UNC5D: variants seen among roughly 807,000 people sequenced by gnomAD.
The protein encoded by UNC5D is unc-5 netrin receptor D.
UNC5D carries 39 observed loss-of-function variants against 105.4 expected under a neutral mutation model. The ratio of observed to expected loss-of-function variants is 0.37; its 90% CI spans 0.29 to 0.48. The LOEUF (loss-of-function observed/expected upper bound fraction) is 0.48, where lower values mean the gene tolerates loss of function less well. UNC5D is among the 20% of genes least tolerant of loss of function. UNC5D has a pLI of 0.98. For synonymous variants in UNC5D, 452 were observed against 450.4 expected (o/e 1.00, Z -0.04); for missense variants, 991 against 1,202.4 (o/e 0.82, Z 2.60).
intron 1 of UNC5D, among the ~76,000 whole-genome samples, chr8:35,362,751 C>T (rs976815630): frequency 6.6e-6 from 1 of 152,120 alleles, no homozygotes; most frequent in African/African-American, 2.4e-5. Context: ...ATTAGTATGC[C>T]TTTTCAGTAA....
At chr8:35,756,236 T>C (rs927370327) in intron 13 of UNC5D, among the ~76,000 whole-genome samples, 1 of 152,230 alleles carries the variant, frequency 6.6e-6, no homozygotes, top group African/African-American at 2.4e-5. Context: ...GTTAATTGTA[T>C]ATTGTTGGCT....
chr8:35,658,295 G>A (rs1244114825), intron 4 of UNC5D, among the ~76,000 whole-genome samples: 2 of 152,090 alleles, frequency 1.3e-5, no homozygotes, highest in Non-Finnish European at 1.5e-5. Context: ...TTTCATGAAT[G>A]GCATCAATTT....
At chr8:35,394,528 G>A (rs917577360) in intron 1 of UNC5D, among the ~76,000 whole-genome samples, 3 of 151,408 alleles carry the variant, frequency 2.0e-5, no homozygotes, top group African/African-American at 7.3e-5. Flanking sequence ...TGGGGCTTTT[G>A]CTTCCTACTT....
At chr8:35,250,572 G>C (rs372366636) in intron 1 of UNC5D, among the ~76,000 whole-genome samples, 6 of 152,104 alleles carry the variant, frequency 3.9e-5, no homozygotes, top group Non-Finnish European at 8.8e-5. Context: ...TCGGCTCACC[G>C]CAACCTCCGC....
At chr8:35,502,393 C>A (rs1563478616) in intron 1 of UNC5D, among the ~76,000 whole-genome samples, 1 of 152,190 alleles carries the variant, frequency 6.6e-6, no homozygotes, top group African/African-American at 2.4e-5. Context: ...TTCAGGACTG[C>A]CATTACCATC....
chr8:35,786,566 T>G (rs749505737), intron 16 of UNC5D, among the ~76,000 whole-genome samples: 1 of 152,158 alleles, frequency 6.6e-6, no homozygotes, highest in Non-Finnish European at 1.5e-5. Flanking sequence ...AAACCTAGTT[T>G]GTATGCCTCT....
At chr8:35,415,010 G>A (rs191849350) in intron 1 of UNC5D, among the ~76,000 whole-genome samples, 2 of 151,992 alleles carry the variant, frequency 1.3e-5, no homozygotes, top group South Asian at 4.1e-4. Context: ...GAACCTTAAG[G>A]TACCTGTGGG....
At chr8:35,248,858 C>A (rs186544622) in intron 1 of UNC5D, among the ~76,000 whole-genome samples, 82,540 of 92,884 alleles carry the variant, frequency 0.89, 36,611 homozygotes, top group East Asian at 1. Flanking sequence ...ATATATAATT[C>A]TATAATAATA....
chr8:35,326,547 G>A (rs1810173124), intron 1 of UNC5D, among the ~76,000 whole-genome samples: 1 of 152,130 alleles, frequency 6.6e-6, no homozygotes, highest in Non-Finnish European at 1.5e-5. Flanking sequence ...TTGAGGCCAG[G>A]AGTTAGAGAC....
At chr8:35,551,215 G>T (rs1586111670) in intron 2 of UNC5D, among the ~76,000 whole-genome samples, 1 of 152,198 alleles carries the variant, frequency 6.6e-6, no homozygotes, top group East Asian at 1.9e-4. Flanking sequence ...ACTGGTTCAA[G>T]AGTCGGGAGG....
intron 3 of UNC5D, among the ~76,000 whole-genome samples, chr8:35,589,323 T>G (rs568911818): frequency 6.6e-6 from 1 of 152,084 alleles, no homozygotes; most frequent in South Asian, 2.1e-4. Flanking sequence ...CCCTATATTA[T>G]TAAGTTATTA....
At chr8:35,724,248 T>C (rs1164702935) in intron 9 of UNC5D, 1 of 1,532,580 alleles carries the variant, frequency 6.5e-7, no homozygotes. Flanking sequence ...TTTTTATTTT[T>C]AGCCAAGAAT....
chr8:35,561,348 AG>A (rs1816948590), intron 2 of UNC5D, among the ~76,000 whole-genome samples: 1 of 152,168 alleles, frequency 6.6e-6, no homozygotes, highest in African/African-American at 2.4e-5. Context: ...CACAATGGAA[AG>A]GCCCTTGGCC....
At chr8:35,496,638 C>T (rs189324567) in intron 1 of UNC5D, among the ~76,000 whole-genome samples, 67 of 152,258 alleles carry the variant, frequency 4.4e-4, no homozygotes, top group Non-Finnish European at 6.5e-4. Flanking sequence ...TATTAAGATA[C>T]CACTTACATG....
rs140591892 is a variant in UNC5D at position 35,763,564 on chromosome 8, C to G, written c.2314-3338C>G. Among the ~76,000 whole-genome samples, 59 of 151,214 alleles carry G rather than the reference C, an allele frequency of 3.9e-4. No homozygotes were observed. The East Asian group carries it at 0.011, about 29-fold the overall frequency. ...ACGGTTCTTTGTCTAGCCCTGAAGT[C>G]CAAGTGCTTGCATTACACTATAATA... On this transcript the variant is annotated intron_variant, in intron 14 of 16. Coordinates refer to ENST00000404895, the MANE Select transcript of UNC5D (RefSeq NM_080872.4).
chr8:35,726,402 T>C lies in UNC5D; in HGVS notation c.1554T>C (p.Phe518=), dbSNP rs1420657426. ...TTCCCCATGGAAACAACCACAGCTT[T>C]AGTACAATGCATCCCAGAAATAAAA... ...RTFPHGNNHS[F]STMHPRNKMP... is the part of the protein sequence containing the mutation. The change falls in exon 10 of 17, where the codon TTT becomes TTC. Residue 518 remains phenylalanine (F), a synonymous_variant. Transcript: ENST00000404895. 3 of 1,614,030 alleles carry C rather than the reference T, an allele frequency of 1.9e-6. No individual in the cohort carries two copies. The highest frequency in any genetic ancestry group is 8.5e-7 in the Non-Finnish European group (1 of 1,180,036).
chr8:35,608,783 C>T (rs1323525530), intron 4 of UNC5D, among the ~76,000 whole-genome samples: 1 of 141,018 alleles, frequency 7.1e-6, no homozygotes, highest in Non-Finnish European at 1.5e-5. Context: ...ACTGGTATTT[C>T]ATTGTGTATG....
intron 1 of UNC5D, among the ~76,000 whole-genome samples, chr8:35,304,113 T>G (rs1431433113): frequency 6.6e-6 from 1 of 152,108 alleles, no homozygotes; most frequent in Non-Finnish European, 1.5e-5. Context: ...TGCCCTGGAC[T>G]TGGTTTTTTT....
At chr8:35,680,130 A>T (rs1321933480) in intron 4 of UNC5D, among the ~76,000 whole-genome samples, 1 of 152,176 alleles carries the variant, frequency 6.6e-6, no homozygotes, top group Non-Finnish European at 1.5e-5. Flanking sequence ...CAGCCTTTCA[A>T]TCCTGTCACA....
Sources: allele counts gnomAD v4.1 joint callset (sites outside exome capture counted in the v4.1 genomes callset), GRCh38; gene constraint gnomAD v4.1.1; transcripts MANE v1.5; gene names NCBI Gene and HGNC (gene_info 2026-07-23, HGNC 2026-07-21).